The following NRG1 variants were observed in gnomAD, a reference collection of about 807,000 sequenced individuals.
The protein encoded by NRG1 is pro-neuregulin-1, membrane-bound isoform.
In NRG1, 18 loss-of-function variants were observed where a neutral mutation model predicts 63.8. The observed-to-expected ratio is 0.28, with a 90% confidence interval of 0.19 to 0.42. The LOEUF (loss-of-function observed/expected upper bound fraction) is 0.42, where lower values mean the gene tolerates loss of function less well. Ranked by LOEUF, NRG1 falls within the 10% of genes least tolerant of loss-of-function variation. The pLI, the probability that NRG1 is intolerant of heterozygous loss-of-function variation, is 1.00. For missense variants in NRG1, 762 were observed against 814.7 expected (o/e 0.94, Z 0.79); for synonymous variants, 302 against 301.3 (o/e 1.00, Z -0.02).
chr8:32,432,206 A>C (rs892126295), intron 1 of NRG1, among the ~76,000 whole-genome samples: 2 of 152,160 alleles, frequency 1.3e-5, no homozygotes, highest in South Asian at 2.1e-4. Flanking sequence ...CATCCCTACT[A>C]GACAGTAATA....
At chr8:32,530,350 G>A (rs972920918) in intron 1 of NRG1, among the ~76,000 whole-genome samples, 1 of 151,962 alleles carries the variant, frequency 6.6e-6, no homozygotes, top group African/African-American at 2.4e-5. Flanking sequence ...CTTGTGATCC[G>A]CCCGCCTCGG....
In NRG1 at chr8:32,662,147, A is replaced by G. The variant is rs1027921544; in HGVS notation, c.502+45262A>G. 5.3e-5 allele frequency among the ~76,000 whole-genome samples: 8 copies of G among 152,366 alleles called. 1 individual carries two copies. In the South Asian group the frequency reaches 6.2e-4, roughly 12 times the overall value. On this transcript the variant is annotated intron_variant, in intron 5 of 11. Transcript: ENST00000356819. ...AAGTGTGTACATCTCTTATGTATCAATAAGAAATAAAATTTCAAAAATACC... is the reference window on the plus strand; with the variant it reads ...AAGTGTGTACATCTCTTATGTATCAGTAAGAAATAAAATTTCAAAAATACC...
intron 1 of NRG1, among the ~76,000 whole-genome samples, chr8:32,113,031 G>T (rs1199480706): frequency 1.3e-5 from 2 of 152,174 alleles, no homozygotes; most frequent in African/African-American, 2.4e-5. Flanking sequence ...GACAGTAATG[G>T]CAGAGCATCA....
At chr8:31,732,039 C>A (rs141426019) in intron 1 of NRG1, among the ~76,000 whole-genome samples, 4 of 152,122 alleles carry the variant, frequency 2.6e-5, no homozygotes, top group African/African-American at 9.6e-5. Context: ...GCACAGATAC[C>A]AGATGTAAAA....
chr8:31,901,287 T>TACATGTA (rs1563544291), intron 1 of NRG1, among the ~76,000 whole-genome samples: 1 of 152,216 alleles, frequency 6.6e-6, no homozygotes. Flanking sequence ...CTTTCTCTTC[T>TACATGTA]ACATGTAACA....
chr8:31,639,290 G>A, exon 1 of NRG1: 3 of 1,401,724 alleles, frequency 2.1e-6, no homozygotes, highest in Non-Finnish European at 2.9e-6. Flanking sequence ...TTTGCCGCCC[G>A]TCCTCCCATT....
intron 1 of NRG1, among the ~76,000 whole-genome samples, chr8:31,795,455 A>G (rs1482957987): frequency 2.6e-5 from 4 of 152,246 alleles, no homozygotes; most frequent in East Asian, 1.9e-4. Flanking sequence ...GCAATTAAGC[A>G]GATTTCAGAC....
At chr8:32,510,003 C>T (rs1428599620) in intron 1 of NRG1, among the ~76,000 whole-genome samples, 3 of 151,584 alleles carry the variant, frequency 2.0e-5, no homozygotes, top group Non-Finnish European at 2.9e-5. Flanking sequence ...TTGTTTTCCC[C>T]CTAAAATTTA....
chr8:32,196,118 AGTGTGTGTGTGTGT>A (rs55951634), intron 1 of NRG1, among the ~76,000 whole-genome samples: 4 of 146,854 alleles, frequency 2.7e-5, no homozygotes, highest in Admixed American at 6.9e-5. Context: ...AAAAACAATG[AGTGTGTGTGTGTGT>A]GTGTGTGTGT....
At chr8:32,354,481 G>A (rs1211798622) in intron 1 of NRG1, among the ~76,000 whole-genome samples, 1 of 152,140 alleles carries the variant, frequency 6.6e-6, no homozygotes, top group Non-Finnish European at 1.5e-5. Context: ...AGGGGATGAG[G>A]AGGATTACCA....
At chr8:32,452,682 A>T (rs1264763881) in intron 1 of NRG1, among the ~76,000 whole-genome samples, 1 of 99,000 alleles carries the variant, frequency 1.0e-5, no homozygotes, top group Non-Finnish European at 2.3e-5. Context: ...ATGGAAAAAC[A>T]GAAGTATAGA....
At chr8:32,375,324 A>G (rs574092545) in intron 1 of NRG1, among the ~76,000 whole-genome samples, 49 of 152,300 alleles carry the variant, frequency 3.2e-4, no homozygotes, top group African/African-American at 1.1e-3. Flanking sequence ...CTCTGTGGTG[A>G]GAAATAAGTT....
intron 1 of NRG1, among the ~76,000 whole-genome samples, chr8:31,732,883 G>C (rs1197962949): frequency 6.6e-6 from 1 of 152,128 alleles, no homozygotes; most frequent in Non-Finnish European, 1.5e-5. Flanking sequence ...CTGGGTGTAA[G>C]AGTGAGACTC....
intron 1 of NRG1, among the ~76,000 whole-genome samples, chr8:32,437,375 C>T (rs1381810237): frequency 6.6e-6 from 1 of 152,088 alleles, no homozygotes; most frequent in African/African-American, 2.4e-5. Context: ...TTGTAAAAGT[C>T]TATTACTAAG....
chr8:32,172,963 C>T (rs1175746900), intron 1 of NRG1, among the ~76,000 whole-genome samples: 1 of 152,122 alleles, frequency 6.6e-6, no homozygotes, highest in East Asian at 1.9e-4. Context: ...AGGCAGGGAA[C>T]ATTCAAATTC....
chr8:32,184,261 C>T (rs974430505), intron 1 of NRG1, among the ~76,000 whole-genome samples: 1 of 152,112 alleles, frequency 6.6e-6, no homozygotes, highest in Non-Finnish European at 1.5e-5. Context: ...GAGCACTTCA[C>T]ACAGTATCTG....
intron 1 of NRG1, among the ~76,000 whole-genome samples, chr8:31,650,576 C>T (rs955544874): frequency 6.6e-6 from 1 of 152,136 alleles, no homozygotes; most frequent in Non-Finnish European, 1.5e-5. Flanking sequence ...CTACTGCTTC[C>T]ATAATGAAAC....
intron 1 of NRG1, among the ~76,000 whole-genome samples, chr8:32,299,924 A>G (rs1164607074): frequency 2.0e-5 from 3 of 152,236 alleles, no homozygotes; most frequent in Non-Finnish European, 2.9e-5. Context: ...GCCAAACCAT[A>G]TCACTCCCTA....
chr8:31,653,502 C>T (rs28377466), intron 1 of NRG1, among the ~76,000 whole-genome samples: 32,899 of 152,136 alleles, frequency 0.22, 4,325 homozygotes, highest in East Asian at 0.6. Flanking sequence ...CACCTCCAGA[C>T]CAAATTGGCT....
Sources: gnomAD v4.1 joint callset for allele counts (sites outside exome capture counted in the v4.1 genomes callset) on GRCh38, gnomAD v4.1.1 for gene constraint, MANE v1.5 for transcripts, NCBI Gene and HGNC (gene_info 2026-07-23, HGNC 2026-07-21) for gene names.